ZNF446: variants seen among roughly 807,000 people sequenced by gnomAD.
The protein encoded by ZNF446 is zinc finger protein with KRAB and SCAN domains 20.
A neutral mutation model predicts 34.0 loss-of-function variants in ZNF446; 42 were observed. That is an observed-to-expected ratio of 1.23 (90% CI 0.96 to 1.60). The LOEUF is 1.60. Ranked by LOEUF, ZNF446 falls within the 40% of genes most tolerant of loss-of-function variation. The probability of loss-of-function intolerance (pLI) is 0.00; values close to 1 mark genes in which losing one functional copy is unlikely to be tolerated. For missense variants in ZNF446, 650 were observed against 600.2 expected (o/e 1.08, Z -0.87); for synonymous variants, 315 against 251.0 (o/e 1.25, Z -2.41).
Position 58,478,022 on chromosome 19 carries a change from C to A in ZNF446, c.533-65C>A. On this transcript the variant is annotated intron_variant, in intron 3 of 6. Coordinates refer to ENST00000594369, the MANE Select transcript of ZNF446 (RefSeq NM_017908.4). ...TGCCATGTCACACAGCAGAGGAGCT[C>A]CTCATCTGCCATGGCTCATGTGGGC... is the stretch of plus-strand genomic sequence containing the variant. 3.4e-6 allele frequency: 5 copies of A among 1,481,494 alleles called. No individual in the cohort carries two copies. In the South Asian group the frequency reaches 6.1e-5, roughly 18 times the overall value. The allele number at this position is 1,481,494 out of a possible 1,614,324, so 91.8% of individuals were successfully genotyped here.
At chr19:58,484,676 C>T (rs188540154), downstream of ZNF446, among the ~76,000 whole-genome samples, 456 of 151,854 alleles carry the variant, frequency 3.0e-3, 1 homozygote, top group African/African-American at 9.8e-3. Context: ...TACTTTTTTT[C>T]GATAAAATTT....
chr19:58,488,548 A>G, the ZNF446 span, among the ~76,000 whole-genome samples: 1 of 125,282 alleles, frequency 8.0e-6, no homozygotes, highest in Non-Finnish European at 1.7e-5. Flanking sequence ...AAACATGACT[A>G]TGATAAAAAA....
chr19:58,477,882 C>T lies in ZNF446; in HGVS notation c.532+56C>T, dbSNP rs531743351. The T allele has an allele frequency of 2.1e-5, 31 of 1,464,946 alleles. No individual in the cohort carries two copies. In the South Asian group the frequency reaches 3.0e-4, roughly 14 times the overall value. The allele number at this position is 1,464,946 out of a possible 1,614,324, so 90.7% of individuals were successfully genotyped here. ...ACTCCTGGAGGAAGTGTGGACATTC[C>T]TGGCTAGGGTGGGAGTCCCAGGAGA... is the stretch of plus-strand genomic sequence containing the variant. On this transcript the variant is annotated intron_variant, in intron 3 of 6. Transcript: ENST00000594369.
chr19:58,477,182 C>A lies in ZNF446; in HGVS notation c.-37C>A. On this transcript the variant is annotated 5_prime_UTR_variant, in exon 2 of 7. Transcript: ENST00000594369. ...TCCGACCCTTCCTTTTCTGTAGGCC[C>A]ATCTTGACGATTCCAAGACCACCCC... 6.7e-7 allele frequency: 1 copy of A among 1,489,408 alleles called. No homozygotes were observed. Among genetic ancestry groups the A allele is most frequent in the Non-Finnish European group, 9.0e-7 (1 of 1,112,814 alleles). 92.3% of individuals were successfully genotyped at this position (1,489,408 alleles called of 1,614,324 possible).
chr19:58,478,248 C>T lies in ZNF446; in HGVS notation c.627+67C>T. ...AAGGGACTGTCCCCATGGCTGCCCT[C>T]TGCCTGGTGGTTTTCCAGGCTCCTT... On this transcript the variant is annotated intron_variant, in intron 4 of 6. Transcript: ENST00000594369. The T allele has an allele frequency of 4.1e-6, 6 of 1,477,198 alleles. No individual in the cohort carries two copies. The South Asian group carries it at 6.3e-5, about 15-fold the overall frequency. The allele number at this position is 1,477,198 out of a possible 1,614,324, so 91.5% of individuals were successfully genotyped here.
In ZNF446 at chr19:58,477,479, C is replaced by T. The variant is rs756422191; in HGVS notation, c.261C>T (p.Arg87=). 26 of 1,613,560 alleles carry T rather than the reference C, an allele frequency of 1.6e-5. No individual in the cohort carries two copies. The highest frequency in any genetic ancestry group is 1.2e-4 in the Admixed American group (7 of 60,012). The change falls in exon 2 of 7, where the codon CGC becomes CGT. Residue 87 remains arginine, a synonymous_variant. Transcript: ENST00000594369. ...CTCCCGAGATCCAGGCCTGGGTGCG[C>T]GGTCAGCGGCCAGGCAGTCCTGAGG... ...TLPPEIQAWV[R]GQRPGSPEEA...
chr19:58,478,057 C>A, intron 3 of ZNF446, 30 bp from the exon 4 acceptor site: 1 of 1,591,970 alleles, frequency 6.3e-7, no homozygotes, highest in Non-Finnish European at 8.6e-7. Flanking sequence ...CAGCCCCTGA[C>A]ACCACCCTTC....
the ZNF446 span, among the ~76,000 whole-genome samples, chr19:58,487,030 A>T: frequency 2.7e-5 from 3 of 109,116 alleles, no homozygotes; most frequent in East Asian, 8.5e-4. Flanking sequence ...TGACCTTGTG[A>T]TCCGTCCACC....
downstream of ZNF446, among the ~76,000 whole-genome samples, chr19:58,481,929 GACTAC>G (rs769667466): frequency 2.6e-5 from 4 of 152,104 alleles, no homozygotes; most frequent in Non-Finnish European, 5.9e-5. Flanking sequence ...GAGTAGCTGG[GACTAC>G]AGACACCCGC....
chr19:58,478,157 ATCCT>A lies in ZNF446; in HGVS notation c.607_610del (p.Phe203ThrfsTer162). On this transcript the variant is annotated frameshift_variant, in exon 4 of 7. Coordinates refer to ENST00000594369, the MANE Select transcript of ZNF446 (RefSeq NM_017908.4). LOFTEE classifies it high-confidence loss of function. ...ATGGACACCAAGAACCAGCCTCCAC[ATCCT>A]TCCACCCACCCAGGATTCAGGTGAG... The A allele has an allele frequency of 6.2e-7, 1 of 1,614,014 alleles. No individual in the cohort carries two copies. The highest frequency in any genetic ancestry group is 2.2e-5 in the East Asian group (1 of 44,872).
chr19:58,478,013 AGAG>A (rs546492259), intron 3 of ZNF446, 71 bp from the exon 4 acceptor site: 1 of 1,432,044 alleles, frequency 7.0e-7, no homozygotes, highest in Non-Finnish European at 9.6e-7. Flanking sequence ...GTCACACAGC[AGAG>A]GAGCTCCTCA....
chr19:58,480,462 G>T lies in ZNF446; in HGVS notation c.1089G>T (p.Pro363=), dbSNP rs138722547. 4 of 1,612,728 alleles carry T rather than the reference G, an allele frequency of 2.5e-6. No homozygotes were observed. The highest frequency in any genetic ancestry group is 4.5e-5 in the East Asian group (2 of 44,844). The change falls in exon 7 of 7, where the codon CCG becomes CCT. Residue 363 remains proline, a synonymous_variant. Coordinates refer to ENST00000594369, the MANE Select transcript of ZNF446 (RefSeq NM_017908.4). The surrounding 1 kb of genome is among the most constrained non-coding windows in gnomAD (Gnocchi z 7.2). The part of the protein sequence containing the change: ...THTSGPGVQS[P]GLATGESTEK... ...CGAGTGGGCCAGGTGTGCAGTCCCCGGGGCTAGCCACCGGGGAAAGCACAG... is the reference window on the plus strand; with the variant it reads ...CGAGTGGGCCAGGTGTGCAGTCCCCTGGGCTAGCCACCGGGGAAAGCACAG...
intron 4 of ZNF446, 114 bp downstream of exon 4, chr19:58,478,295 C>A: frequency 1.1e-6 from 1 of 940,956 alleles, no homozygotes; most frequent in Non-Finnish European, 1.6e-6. Context: ...CTTTGCTTCC[C>A]AGAAGTGGAG....
intron 4 of ZNF446, among the ~76,000 whole-genome samples, chr19:58,478,637 C>G (rs1010940398): frequency 7.9e-5 from 12 of 151,306 alleles, no homozygotes; most frequent in African/African-American, 1.7e-4. Flanking sequence ...GCGCTCCAGC[C>G]TGGTCAACAA....
chr19:58,488,826 G>A, the ZNF446 span, among the ~76,000 whole-genome samples: 3 of 148,044 alleles, frequency 2.0e-5, no homozygotes, highest in Non-Finnish European at 3.0e-5. Flanking sequence ...ACTCCAGCCT[G>A]GGTGACAGAG....
chr19:58,489,038 T>G, the ZNF446 span, among the ~76,000 whole-genome samples: 2 of 152,198 alleles, frequency 1.3e-5, no homozygotes, highest in Non-Finnish European at 2.9e-5. Flanking sequence ...TAGTTCATTC[T>G]TGGGCATAGG....
At chr19:58,479,843 C>T (rs1735535589) in intron 5 of ZNF446, 87 bp from the exon 6 acceptor site, 14 of 1,402,674 alleles carry the variant, frequency 1.0e-5, no homozygotes, top group Non-Finnish European at 1.4e-5. Flanking sequence ...TCCCACCTTC[C>T]AGAGGAACAC....
At chr19:58,484,244 C>T (rs960312657), downstream of ZNF446, among the ~76,000 whole-genome samples, 16 of 142,150 alleles carry the variant, frequency 1.1e-4, no homozygotes, top group African/African-American at 4.2e-4. Context: ...TGAGACCAGC[C>T]TGGGCAACAG....
At chr19:58,477,588 G>A (rs756368877) in intron 2 of ZNF446, 28 bp downstream of exon 2, 8 of 1,613,078 alleles carry the variant, frequency 5.0e-6, no homozygotes, top group Non-Finnish European at 6.8e-6. Context: ...CAGCTTCTTG[G>A]AGGGATAGAC....
Sources: allele counts gnomAD v4.1 joint callset (sites outside exome capture counted in the v4.1 genomes callset), GRCh38; gene constraint gnomAD v4.1.1; non-coding constraint Gnocchi (gnomAD v3.1); transcripts MANE v1.5; gene names NCBI Gene and HGNC (gene_info 2026-07-23, HGNC 2026-07-21).